PECAM1: variants seen among roughly 807,000 people sequenced by gnomAD.
The protein encoded by PECAM1 is platelet and endothelial cell adhesion molecule 1.
In PECAM1, 8 loss-of-function variants were observed where a neutral mutation model predicts 13.8. That is an observed-to-expected ratio of 0.58 (90% CI 0.34 to 1.05). The LOEUF (loss-of-function observed/expected upper bound fraction) is 1.05. PECAM1 is among the 50% of genes least tolerant of loss of function. The pLI is 0.03. For missense variants in PECAM1, 304 were observed against 141.2 expected (o/e 2.15, Z -5.84); for synonymous variants, 136 against 52.6 (o/e 2.58, Z -6.86).
At chr17:64,338,799 T>C (rs1419313802) in intron 14 of PECAM1, among the ~76,000 whole-genome samples, 1 of 152,142 alleles carries the variant, frequency 6.6e-6, no homozygotes, top group African/African-American at 2.4e-5. Flanking sequence ...CCTCAGGTGA[T>C]CCACCCGCCT....
chr17:64,336,920 G>A (rs2035294192), intron 14 of PECAM1, among the ~76,000 whole-genome samples: 1 of 149,848 alleles, frequency 6.7e-6, no homozygotes, highest in South Asian at 2.1e-4. Flanking sequence ...GAGAAAGATA[G>A]AAAGAAGGAG....
At chr17:64,351,585 C>A (rs1439043490) in intron 11 of PECAM1, among the ~76,000 whole-genome samples, 1 of 152,136 alleles carries the variant, frequency 6.6e-6, no homozygotes, top group Non-Finnish European at 1.5e-5. Context: ...CATGGTGGCA[C>A]ATGCCTGTGA....
At chr17:64,361,990 T>A (rs1010402232) in intron 6 of PECAM1, among the ~76,000 whole-genome samples, 8 of 152,178 alleles carry the variant, frequency 5.3e-5, no homozygotes, top group African/African-American at 1.9e-4. Flanking sequence ...AAAATCCTGG[T>A]TCAGTTGAAG....
intron 13 of PECAM1, among the ~76,000 whole-genome samples, chr17:64,346,482 T>A (rs2035572969): frequency 6.6e-6 from 1 of 152,100 alleles, no homozygotes; most frequent in Non-Finnish European, 1.5e-5. Flanking sequence ...ATTACAGGCA[T>A]GCGCCACCAC....
intron 2 of PECAM1, among the ~76,000 whole-genome samples, chr17:64,387,298 G>A (rs1412826210): frequency 3.9e-5 from 6 of 152,164 alleles, no homozygotes; most frequent in African/African-American, 1.2e-4. Flanking sequence ...TGGGGCCTGA[G>A]GCCAGGCTGC....
Position 64,321,283 on chromosome 17 carries a change from G to C in PECAM1, c.*2533C>G. 4.5e-6 allele frequency: 1 copy of C among 224,532 alleles called. No homozygotes were observed. Among genetic ancestry groups the C allele is most frequent in the Non-Finnish European group, 7.4e-6 (1 of 134,284 alleles). 13.9% of individuals were successfully genotyped at this position (224,532 alleles called of 1,614,324 possible). A position where few individuals can be genotyped will look rare whatever the true frequency, so the allele number is the denominator to read the frequency against. On this transcript the variant is annotated 3_prime_UTR_variant, in exon 16 of 16. Transcript: ENST00000563924. ...CCGCGGCCGAGAAAACTCCTGGAGT[G>C]GGTGCTCCTGGGATGCTTCAGGTTT...
intron 5 of PECAM1, among the ~76,000 whole-genome samples, chr17:64,368,160 C>T (rs1336561200): frequency 1.3e-5 from 2 of 152,208 alleles, no homozygotes; most frequent in East Asian, 3.8e-4. Context: ...AACACTCATT[C>T]CTTCATCCAA....
At chr17:64,382,305 G>A (rs984277456) in intron 2 of PECAM1, among the ~76,000 whole-genome samples, 3 of 152,126 alleles carry the variant, frequency 2.0e-5, no homozygotes, top group Non-Finnish European at 4.4e-5. Context: ...TCAAGTGCAC[G>A]GAGCCAGACC....
At chr17:64,387,936 G>A (rs983776384) in intron 2 of PECAM1, among the ~76,000 whole-genome samples, 10 of 152,206 alleles carry the variant, frequency 6.6e-5, no homozygotes, top group South Asian at 4.1e-4. Flanking sequence ...GCTGGCCTAG[G>A]GGGCCTAAGG....
intron 7 of PECAM1, among the ~76,000 whole-genome samples, chr17:64,358,803 T>G (rs1598029030): frequency 3.9e-5 from 6 of 151,910 alleles, no homozygotes; most frequent in Admixed American, 3.9e-4. Context: ...AATGTTAATT[T>G]TTTTTTTTTT....
At chr17:64,342,137 G>A (rs1386351182) in intron 13 of PECAM1, among the ~76,000 whole-genome samples, 10 of 133,590 alleles carry the variant, frequency 7.5e-5, no homozygotes, top group Non-Finnish European at 1.4e-4. Context: ...GCAACACAGT[G>A]ACACACCACC....
intron 5 of PECAM1, among the ~76,000 whole-genome samples, chr17:64,364,852 C>T: frequency 6.7e-6 from 1 of 149,888 alleles, no homozygotes; most frequent in Non-Finnish European, 1.5e-5. Flanking sequence ...ATGACAAACC[C>T]ACAGCCAATA....
intron 13 of PECAM1, among the ~76,000 whole-genome samples, chr17:64,346,988 G>A (rs1036210697): frequency 2.6e-5 from 4 of 152,130 alleles, no homozygotes; most frequent in African/African-American, 7.2e-5. Context: ...CCTCTGGAAG[G>A]GACAAATTGC....
chr17:64,388,378 G>C (rs1392482109), intron 2 of PECAM1, among the ~76,000 whole-genome samples: 1 of 152,188 alleles, frequency 6.6e-6, no homozygotes, highest in Admixed American at 6.5e-5. Context: ...GGGGGGCTAG[G>C]ACCGTGTAGT....
intron 7 of PECAM1, among the ~76,000 whole-genome samples, chr17:64,357,497 A>G (rs1266546912): frequency 6.6e-6 from 1 of 152,180 alleles, no homozygotes; most frequent in South Asian, 2.1e-4. Flanking sequence ...CTTCCCAAGT[A>G]GACTTTCCTT....
At chr17:64,377,769 C>T (rs1418614435) in intron 3 of PECAM1, 55 bp downstream of exon 3, 12 of 473,300 alleles carry the variant, frequency 2.5e-5, no homozygotes, top group South Asian at 1.4e-4. Context: ...CTGTTATTCA[C>T]GCCACTGTGT....
chr17:64,321,729 C>G lies in PECAM1; in HGVS notation c.*2087G>C, dbSNP rs1362520216. 3.5e-6 allele frequency: 4 copies of G among 1,143,470 alleles called. No homozygotes were observed. The highest frequency in any genetic ancestry group is 7.7e-4 in the Middle Eastern group (2 of 2,584). The allele number at this position is 1,143,470 out of a possible 1,614,324, so 70.8% of individuals were successfully genotyped here. A position where few individuals can be genotyped will look rare whatever the true frequency, so the allele number is the denominator to read the frequency against. ...TGAGCCATTGTTGTGCCACTGCACTCCAGCCTGGGCAACAGAGCAAGCCCC... is the reference window on the plus strand; with the variant it reads ...TGAGCCATTGTTGTGCCACTGCACTGCAGCCTGGGCAACAGAGCAAGCCCC... On this transcript the variant is annotated 3_prime_UTR_variant, in exon 16 of 16. Coordinates refer to ENST00000563924, the MANE Select transcript of PECAM1 (RefSeq NM_000442.5).
rs4134482 is a variant in PECAM1, at chr17:64,329,739, G to A, written c.2165-17C>T. ...CCACGGCATCTACAAAACAAAGGAT[G>A]ACATGGCAGTGAGCAACGCAAATAA... is the stretch of plus-strand genomic sequence containing the variant. On this transcript the variant is annotated splice_polypyrimidine_tract_variant and intron_variant, in intron 14 of 15. Coordinates refer to ENST00000563924, the MANE Select transcript of PECAM1 (RefSeq NM_000442.5). 14,020 of 768,128 alleles carry A rather than the reference G, an allele frequency of 0.018. 1,375 individuals are homozygous for A. In the African/African-American group the frequency reaches 0.21, roughly 11 times the overall value. 47.6% of individuals were successfully genotyped at this position (768,128 alleles called of 1,614,324 possible). A position where few individuals can be genotyped will look rare whatever the true frequency, so the allele number is the denominator to read the frequency against.
At chr17:64,328,387 CG>C (rs1240339521) in intron 15 of PECAM1, among the ~76,000 whole-genome samples, 1 of 152,170 alleles carries the variant, frequency 6.6e-6, no homozygotes, top group African/African-American at 2.4e-5. Context: ...GAGGACTGGC[CG>C]CAGAGTATAG....
Sources: allele counts gnomAD v4.1 joint callset (sites outside exome capture counted in the v4.1 genomes callset), GRCh38; gene constraint gnomAD v4.1.1; transcripts MANE v1.5; gene names NCBI Gene and HGNC (gene_info 2026-07-23, HGNC 2026-07-21).